TBC1D5: variants seen among roughly 807,000 people sequenced by gnomAD.
TBC1D5 encodes TBC1 domain family, member 5.
Under a neutral mutation model 100.3 loss-of-function variants are expected in TBC1D5, and 75 were observed. The observed-to-expected ratio is 0.75, with a 90% CI of 0.62 to 0.91. TBC1D5 has a LOEUF of 0.91. TBC1D5 is among the 40% of genes least tolerant of loss of function. TBC1D5 has a pLI of 0.00. For synonymous variants in TBC1D5, 323 were observed against 325.6 expected, an observed-to-expected ratio of 0.99 and a Z score of 0.09; for missense variants, 910 against 942.4, an observed-to-expected ratio of 0.97 and a Z score of 0.45.
At chr3:17,591,272 A>AAAAAAAAAAC (rs2096769889) in intron 2 of TBC1D5, among the ~76,000 whole-genome samples, 1 of 143,756 alleles carries the variant, frequency 7.0e-6, no homozygotes, top group African/African-American at 2.6e-5. Context: ...AAAAACAAAA[A>AAAAAAAAAAC]CCCCAGAGAA....
intron 2 of TBC1D5, among the ~76,000 whole-genome samples, chr3:17,581,994 T>C (rs1361611320): frequency 6.6e-6 from 1 of 152,204 alleles, no homozygotes; most frequent in Non-Finnish European, 1.5e-5. Flanking sequence ...ACATGTTACC[T>C]TATCGGTGAG....
At chr3:17,331,691 T>C (rs1441119580) in intron 13 of TBC1D5, among the ~76,000 whole-genome samples, 1 of 152,188 alleles carries the variant, frequency 6.6e-6, no homozygotes, top group East Asian at 1.9e-4. Context: ...AAAGAAGTAC[T>C]TAATAAATCA....
At chr3:17,724,233 C>G (rs558333877) in intron 1 of TBC1D5, among the ~76,000 whole-genome samples, 1 of 152,128 alleles carries the variant, frequency 6.6e-6, no homozygotes, top group African/African-American at 2.4e-5. Context: ...GCAGGGACCA[C>G]CAGCACACGC....
At chr3:17,532,278 ACAATGAGATACCATCT>A (rs2096237070) in intron 2 of TBC1D5, among the ~76,000 whole-genome samples, 2 of 152,214 alleles carry the variant, frequency 1.3e-5, no homozygotes, top group Middle Eastern at 3.2e-3. Context: ...AATCAAAACC[ACAATGAGATACCATCT>A]CACACCAGTT....
intron 1 of TBC1D5, among the ~76,000 whole-genome samples, chr3:17,708,416 AAC>A (rs1428194502): frequency 1.3e-5 from 2 of 152,212 alleles, no homozygotes; most frequent in Non-Finnish European, 2.9e-5. Flanking sequence ...TCAATGCTTT[AAC>A]ACATATCCTT....
rs546413583 is a variant in TBC1D5 at position 17,458,026 on chromosome 3, C to T, written c.98-29507G>A. On this transcript the variant is annotated intron_variant, in intron 3 of 21. Transcript: ENST00000253692. ...GAACCACTACCTACATACTAAGTCA[C>T]GTCTTTCCTTTGTACTCAAAAAAGT... is the stretch of plus-strand genomic sequence containing the variant. Among the ~76,000 whole-genome samples, 42 of 152,290 alleles carry T rather than the reference C, an allele frequency of 2.8e-4. No individual in the cohort carries two copies. The South Asian group carries it at 7.0e-3, about 26-fold the overall frequency.
intron 16 of TBC1D5, among the ~76,000 whole-genome samples, chr3:17,240,548 G>A (rs1178157452): frequency 6.6e-6 from 1 of 152,020 alleles, no homozygotes; most frequent in African/African-American, 2.4e-5. Context: ...CTCAATATAT[G>A]TTTATTGAGA....
chr3:17,638,013 T>C (rs1413677375), intron 1 of TBC1D5, among the ~76,000 whole-genome samples: 2 of 152,194 alleles, frequency 1.3e-5, no homozygotes, highest in African/African-American at 4.8e-5. Context: ...TGAAATTTTA[T>C]TAAGCAGTCA....
At chr3:17,549,100 C>A (rs1170129444) in intron 2 of TBC1D5, among the ~76,000 whole-genome samples, 1 of 152,050 alleles carries the variant, frequency 6.6e-6, no homozygotes, top group Non-Finnish European at 1.5e-5. Flanking sequence ...GAGTTAGAGA[C>A]CAGCCTGACC....
chr3:17,205,609 A>G (rs2072056648), intron 18 of TBC1D5, among the ~76,000 whole-genome samples: 1 of 152,174 alleles, frequency 6.6e-6, no homozygotes, highest in Non-Finnish European at 1.5e-5. Flanking sequence ...TGGCTGCCTC[A>G]TCACATCCCC....
intron 13 of TBC1D5, among the ~76,000 whole-genome samples, chr3:17,342,031 C>T (rs1259535113): frequency 6.6e-6 from 1 of 152,188 alleles, no homozygotes; most frequent in Non-Finnish European, 1.5e-5. Flanking sequence ...TAACTAGTCT[C>T]CCTGCTGCCA....
chr3:17,590,366 A>G (rs1422629784), intron 2 of TBC1D5, among the ~76,000 whole-genome samples: 1 of 152,150 alleles, frequency 6.6e-6, no homozygotes, highest in Non-Finnish European at 1.5e-5. Flanking sequence ...CTAGTGGTTT[A>G]TTTGCTTGGT....
At chr3:17,600,116 T>A (rs144356232) in intron 2 of TBC1D5, among the ~76,000 whole-genome samples, 2 of 152,318 alleles carry the variant, frequency 1.3e-5, no homozygotes, top group East Asian at 3.9e-4. Context: ...TTTGAGAAAG[T>A]CCCCTTGGTT....
chr3:17,321,477 G>C (rs2150941857), intron 13 of TBC1D5, among the ~76,000 whole-genome samples: 1 of 152,278 alleles, frequency 6.6e-6, no homozygotes, highest in South Asian at 2.1e-4. Context: ...ACTGCTTTTA[G>C]TTTTAACTGC....
chr3:17,332,840 G>A (rs982443516), intron 13 of TBC1D5, among the ~76,000 whole-genome samples: 15 of 152,138 alleles, frequency 9.9e-5, no homozygotes, highest in Non-Finnish European at 1.9e-4. Flanking sequence ...CAAGGTGCTG[G>A]GGGATGACAG....
At chr3:17,390,426 TG>T (rs1383251152) in intron 8 of TBC1D5, among the ~76,000 whole-genome samples, 1 of 152,134 alleles carries the variant, frequency 6.6e-6, no homozygotes, top group Non-Finnish European at 1.5e-5. Context: ...TAAAGGGTTT[TG>T]TCACCACATT....
intron 2 of TBC1D5, among the ~76,000 whole-genome samples, chr3:17,525,407 A>C (rs1321595600): frequency 6.6e-6 from 1 of 152,226 alleles, no homozygotes; most frequent in South Asian, 2.1e-4. Context: ...CTGGGATTAC[A>C]GGTGTGAGCC....
At chr3:17,268,671 G>A (rs2079068415) in intron 15 of TBC1D5, among the ~76,000 whole-genome samples, 1 of 152,092 alleles carries the variant, frequency 6.6e-6, no homozygotes, top group South Asian at 2.1e-4. Flanking sequence ...TTCAGATACT[G>A]CTAATAATAT....
At chr3:17,681,024 G>A (rs576185276) in intron 1 of TBC1D5, among the ~76,000 whole-genome samples, 1 of 151,336 alleles carries the variant, frequency 6.6e-6, no homozygotes, top group Non-Finnish European at 1.5e-5. Flanking sequence ...AAATGGATGA[G>A]GCATGAAAGA....
Sources: gnomAD v4.1 joint callset for allele counts (sites outside exome capture counted in the v4.1 genomes callset) on GRCh38, gnomAD v4.1.1 for gene constraint, MANE v1.5 for transcripts, NCBI Gene and HGNC (gene_info 2026-07-23, HGNC 2026-07-21) for gene names.